The following SLC11A2 variants were observed in gnomAD, a reference collection of about 807,000 sequenced individuals.
SLC11A2 encodes the protein natural resistance-associated macrophage protein 2.
A neutral mutation model predicts 68.0 loss-of-function variants in SLC11A2; 38 were observed. That is an observed-to-expected ratio of 0.56 (90% confidence interval 0.43 to 0.73). SLC11A2 has a LOEUF of 0.73. Ranked by LOEUF, SLC11A2 falls within the 30% of genes least tolerant of loss-of-function variation. The pLI, the probability that SLC11A2 is intolerant of heterozygous loss-of-function variation, is 0.00. For missense variants in SLC11A2, 517 were observed against 690.5 expected, an observed-to-expected ratio of 0.75 and a Z score of 2.82; for synonymous variants, 242 against 250.6, an observed-to-expected ratio of 0.97 and a Z score of 0.32.
intron 9 of SLC11A2, 71 bp downstream of exon 9, chr12:50,996,746 T>C: frequency 6.8e-7 from 1 of 1,467,306 alleles, no homozygotes. Flanking sequence ...ACTAACTTTG[T>C]GTCCCTTGCA....
chr12:51,008,696 C>G (rs1592396298), intron 2 of SLC11A2, 72 bp from the exon 3 acceptor site: 1 of 1,240,324 alleles, frequency 8.1e-7, no homozygotes, highest in East Asian at 2.4e-5. Context: ...CCTTAGTATA[C>G]TGAAATTAAA....
the SLC11A2 span, among the ~76,000 whole-genome samples, chr12:50,954,610 C>T: frequency 6.6e-6 from 1 of 152,012 alleles, no homozygotes; most frequent in African/African-American, 2.4e-5. Flanking sequence ...CCTGTAATCC[C>T]AGCGCTTTGG....
At chr12:51,018,561 A>G (rs435965) in intron 1 of SLC11A2, among the ~76,000 whole-genome samples, 138,038 of 151,732 alleles carry the variant, frequency 0.91, 63,079 homozygotes, top group East Asian at 0.98. Flanking sequence ...TTGGAAGGCC[A>G]AGGCGAGCAG....
At chr12:50,979,035 G>A (rs1289149206), downstream of SLC11A2, among the ~76,000 whole-genome samples, 1 of 152,168 alleles carries the variant, frequency 6.6e-6, no homozygotes. Flanking sequence ...TCCTTTTACA[G>A]ATTGACTCTA....
chr12:51,005,118 A>C (rs1328686730), intron 4 of SLC11A2, among the ~76,000 whole-genome samples, 193 bp downstream of exon 4: 1 of 152,226 alleles, frequency 6.6e-6, no homozygotes, highest in South Asian at 2.1e-4. Flanking sequence ...TCCTATATGT[A>C]GTTTCTCCTT....
the SLC11A2 span, among the ~76,000 whole-genome samples, chr12:50,953,048 T>G: frequency 1.3e-5 from 2 of 152,204 alleles, no homozygotes; most frequent in Non-Finnish European, 2.9e-5. Context: ...AGGCTGCTAC[T>G]GGTGAGTTTC....
intron 15 of SLC11A2, among the ~76,000 whole-genome samples, chr12:50,990,410 G>A (rs909863813): frequency 6.6e-6 from 1 of 152,170 alleles, no homozygotes; most frequent in Non-Finnish European, 1.5e-5. Context: ...GAATTACTAA[G>A]AATGGAAACT....
chr12:50,988,697 T>C (rs1007120372), intron 15 of SLC11A2, among the ~76,000 whole-genome samples: 1 of 152,136 alleles, frequency 6.6e-6, no homozygotes, highest in Non-Finnish European at 1.5e-5. Flanking sequence ...GGTTTTCCTT[T>C]TTTTTAAAAT....
chr12:50,972,522 T>C, the SLC11A2 span, among the ~76,000 whole-genome samples: 1 of 152,212 alleles, frequency 6.6e-6, no homozygotes, highest in African/African-American at 2.4e-5. Flanking sequence ...GGTTCCAAGA[T>C]GGCCGAATAG....
chr12:50,985,858 G>T, downstream of SLC11A2: 1 of 846,370 alleles, frequency 1.2e-6, no homozygotes, highest in Non-Finnish European at 1.5e-6. Flanking sequence ...CCTTTCTAAG[G>T]AGAAAATCCT....
At chr12:50,956,534 C>A in the SLC11A2 span, among the ~76,000 whole-genome samples, 1 of 152,192 alleles carries the variant, frequency 6.6e-6, no homozygotes, top group Non-Finnish European at 1.5e-5. Flanking sequence ...TTATCTTAAG[C>A]AACTTCCATC....
chr12:50,963,354 G>C, the SLC11A2 span, among the ~76,000 whole-genome samples: 1 of 130,314 alleles, frequency 7.7e-6, no homozygotes, highest in Non-Finnish European at 1.6e-5. Flanking sequence ...TGGGTGAAAG[G>C]GCAAGACTCC....
In SLC11A2 at chr12:50,987,223, A is replaced by G; in HGVS notation, c.*1102T>C. ...TAGCCCAGTTCAACTTTGCTGAGAC[A>G]GTGAACTTTGCAACCATACTAACAC... On this transcript the variant is annotated 3_prime_UTR_variant, in exon 16 of 16. Transcript: ENST00000262052. 7.8e-7 allele frequency: 1 copy of G among 1,287,206 alleles called. No homozygotes were observed. Among genetic ancestry groups the G allele is most frequent in the Non-Finnish European group, 1.0e-6 (1 of 988,660 alleles). The allele number at this position is 1,287,206 out of a possible 1,614,324, so 79.7% of individuals were successfully genotyped here.
At chr12:51,020,794 T>C (rs769811261) in intron 1 of SLC11A2, among the ~76,000 whole-genome samples, 5 of 152,178 alleles carry the variant, frequency 3.3e-5, no homozygotes, top group Non-Finnish European at 7.3e-5. Context: ...ATTATTTACA[T>C]AGCAATTACA....
At chr12:51,023,955 C>T (rs1260986757) in intron 1 of SLC11A2, among the ~76,000 whole-genome samples, 1 of 151,850 alleles carries the variant, frequency 6.6e-6, no homozygotes, top group Non-Finnish European at 1.5e-5. Flanking sequence ...CATGCCACTG[C>T]ACTCCAACCT....
Position 51,004,768 on chromosome 12 carries a change from C to T in SLC11A2, c.429+20G>A. The T allele has an allele frequency of 6.2e-7, 1 of 1,613,162 alleles. No individual in the cohort carries two copies. The highest frequency in any genetic ancestry group is 8.5e-7 in the Non-Finnish European group (1 of 1,179,482). On this transcript the variant is annotated intron_variant, in intron 5 of 15. Transcript: ENST00000262052. Reference sequence around the variant, plus strand: ...TCCTATGGCATGGGTGAGAGACAAACAGGACAATACATTGCTCACCTTGGG... The same window carrying T: ...TCCTATGGCATGGGTGAGAGACAAATAGGACAATACATTGCTCACCTTGGG...
intron 3 of SLC11A2, 116 bp from the exon 4 acceptor site, chr12:51,005,552 C>A: frequency 6.5e-7 from 1 of 1,547,054 alleles, no homozygotes; most frequent in South Asian, 1.2e-5. Context: ...AAAGGATTTA[C>A]AATGTCAGAT....
intron 13 of SLC11A2, among the ~76,000 whole-genome samples, 196 bp from the exon 14 acceptor site, chr12:50,991,868 T>C (rs534015507): frequency 5.3e-5 from 8 of 152,364 alleles, no homozygotes; most frequent in African/African-American, 1.7e-4. Context: ...CAAACCTTTG[T>C]ATGTGACTTG....
chr12:51,009,617 A>G (rs1011306808), intron 2 of SLC11A2, among the ~76,000 whole-genome samples: 13 of 152,240 alleles, frequency 8.5e-5, no homozygotes, highest in African/African-American at 2.4e-4. Flanking sequence ...CAGAAATTCC[A>G]AAGAAGCTCA....
Sources: gnomAD v4.1 joint callset for allele counts (sites outside exome capture counted in the v4.1 genomes callset) on GRCh38, gnomAD v4.1.1 for gene constraint, MANE v1.5 for transcripts, NCBI Gene and HGNC (gene_info 2026-07-23, HGNC 2026-07-21) for gene names.